The following EYA2 variants were observed in gnomAD, a reference collection of about 807,000 sequenced individuals.
The protein encoded by EYA2 is protein phosphatase EYA2.
EYA2 carries 31 observed loss-of-function variants against 69.2 expected under a neutral mutation model. The observed-to-expected ratio is 0.45, with a 90% CI of 0.34 to 0.60. EYA2 has a LOEUF of 0.60. EYA2 is among the 20% of genes least tolerant of loss of function. The pLI, the probability that EYA2 is intolerant of heterozygous loss-of-function variation, is 0.02. For missense variants in EYA2, 622 were observed against 701.2 expected (o/e 0.89, Z 1.28); for synonymous variants, 257 against 279.4 (o/e 0.92, Z 0.80).
intron 1 of EYA2, among the ~76,000 whole-genome samples, chr20:46,922,249 A>G (rs949292201): frequency 6.6e-6 from 1 of 152,224 alleles, no homozygotes; most frequent in Non-Finnish European, 1.5e-5. Flanking sequence ...GGTCAGAGAA[A>G]ACTCTTAACT....
At chr20:47,167,631 T>C (rs2034228990) in intron 10 of EYA2, among the ~76,000 whole-genome samples, 1 of 151,990 alleles carries the variant, frequency 6.6e-6, no homozygotes, top group African/African-American at 2.4e-5. Flanking sequence ...GCCACTTGTG[T>C]ATGTTGACTG....
At chr20:47,053,543 T>C (rs1266262021) in intron 5 of EYA2, among the ~76,000 whole-genome samples, 2 of 151,584 alleles carry the variant, frequency 1.3e-5, no homozygotes, top group African/African-American at 4.8e-5. Context: ...GGCGCATGCC[T>C]GTAGTCTCGG....
intron 1 of EYA2, among the ~76,000 whole-genome samples, chr20:46,975,808 G>A (rs191931283): frequency 5.9e-5 from 9 of 152,334 alleles, no homozygotes; most frequent in Admixed American, 2.6e-4. Flanking sequence ...CCAGCTACTC[G>A]GGAGGCTGAG....
At position 46,959,891 on chromosome 20, in the gene EYA2, T is replaced by G. The variant is rs1464767527; in HGVS notation, c.-10-30110T>G. On this transcript the variant is annotated intron_variant, in intron 1 of 15. Coordinates refer to ENST00000327619, the MANE Select transcript of EYA2 (RefSeq NM_005244.5). ...TCTCTGAAACTCTCCAAGTAGCCAC[T>G]GAAGTCAGCAGGAACTCCCAAAGCA... Among the ~76,000 whole-genome samples the G allele has an allele frequency of 3.3e-5, 5 of 152,184 alleles. No homozygotes were observed. In the South Asian group the frequency reaches 6.2e-4, roughly 19 times the overall value.
At chr20:46,943,324 C>T (rs1482316886) in intron 1 of EYA2, among the ~76,000 whole-genome samples, 3 of 152,196 alleles carry the variant, frequency 2.0e-5, no homozygotes, top group Admixed American at 6.5e-5. Flanking sequence ...TAGACATCCT[C>T]ACGTAGAGTA....
intron 1 of EYA2, among the ~76,000 whole-genome samples, chr20:46,913,287 G>T (rs1306254070): frequency 1.3e-5 from 2 of 152,192 alleles, no homozygotes; most frequent in Admixed American, 1.3e-4. Flanking sequence ...CTCTGAGTGG[G>T]GTTGTGCCTG....
At chr20:47,162,981 A>T (rs759138337) in intron 10 of EYA2, among the ~76,000 whole-genome samples, 6 of 151,772 alleles carry the variant, frequency 4.0e-5, no homozygotes, top group Non-Finnish European at 5.9e-5. Flanking sequence ...TAAAAATCTC[A>T]TATTTTAATG....
intron 1 of EYA2, among the ~76,000 whole-genome samples, chr20:46,979,145 A>G (rs973934478): frequency 2.6e-5 from 4 of 152,338 alleles, no homozygotes; most frequent in South Asian, 2.1e-4. Context: ...TCCTCAGCCA[A>G]GGTAGCTGGT....
At chr20:47,058,899 TAAC>T (rs2030756012) in intron 5 of EYA2, among the ~76,000 whole-genome samples, 2 of 152,132 alleles carry the variant, frequency 1.3e-5, no homozygotes, top group Admixed American at 6.5e-5. Context: ...GGGTGGGTCT[TAAC>T]AACTTAATGC....
chr20:47,177,861 A>G (rs988267028), intron 12 of EYA2, among the ~76,000 whole-genome samples: 1 of 152,276 alleles, frequency 6.6e-6, no homozygotes, highest in East Asian at 1.9e-4. Context: ...CCTAGAGTGA[A>G]TAGCCTAATG....
chr20:47,063,684 TCTGGTC>T (rs1358267530), intron 5 of EYA2, among the ~76,000 whole-genome samples: 10 of 152,186 alleles, frequency 6.6e-5, no homozygotes, highest in Non-Finnish European at 2.9e-5. Context: ...TACTTCAGCC[TCTGGTC>T]CTTCCTTGCA....
chr20:47,067,411 A>C (rs2031153251), intron 5 of EYA2, among the ~76,000 whole-genome samples: 1 of 152,156 alleles, frequency 6.6e-6, no homozygotes, highest in Admixed American at 6.5e-5. Flanking sequence ...GTCAACAAAA[A>C]TTTAAATGTA....
Position 46,972,921 on chromosome 20 carries a change from T to C in EYA2, c.-10-17080T>C, listed in dbSNP as rs79994537. 5.0e-3 allele frequency among the ~76,000 whole-genome samples: 755 copies of C among 152,388 alleles called. 8 individuals carry two copies. Among genetic ancestry groups the C allele is most frequent in the African/African-American group, 0.017 (701 of 41,596 alleles). On this transcript the variant is annotated intron_variant, in intron 1 of 15. Coordinates refer to ENST00000327619, the MANE Select transcript of EYA2 (RefSeq NM_005244.5). ...ATTGGAATATTCTGGAATATCTCTC[T>C]TCTTTCCAAATAAATATTTTAAAGT...
At chr20:47,065,237 C>G (rs1368729533) in intron 5 of EYA2, among the ~76,000 whole-genome samples, 1 of 152,208 alleles carries the variant, frequency 6.6e-6, no homozygotes, top group Non-Finnish European at 1.5e-5. Flanking sequence ...CAAACTATAT[C>G]AGGTACCAAG....
At position 47,062,697 on chromosome 20, in the gene EYA2, G is replaced by C. The variant is rs139670588; in HGVS notation, c.416-9488G>C. Reference sequence around the variant, plus strand: ...GTGTTACATGGGAGGGCCGGGCCCAGCTTGTCCTCCCTCTGTCCAGAAGAG... The same window carrying C: ...GTGTTACATGGGAGGGCCGGGCCCACCTTGTCCTCCCTCTGTCCAGAAGAG... On this transcript the variant is annotated intron_variant, in intron 5 of 15. Transcript: ENST00000327619. Among the ~76,000 whole-genome samples, 471 of 152,326 alleles carry C rather than the reference G, an allele frequency of 3.1e-3. 3 individuals are homozygous for C. The highest frequency in any genetic ancestry group is 3.4e-3 in the Non-Finnish European group (228 of 68,038).
At chr20:46,939,867 C>T (rs1397969569) in intron 1 of EYA2, among the ~76,000 whole-genome samples, 2 of 152,156 alleles carry the variant, frequency 1.3e-5, no homozygotes, top group African/African-American at 4.8e-5. Flanking sequence ...CATTTAACCT[C>T]TCTAAGCCTC....
intron 10 of EYA2, among the ~76,000 whole-genome samples, chr20:47,166,428 A>AAAAAAAAAAAC (rs2034194235): frequency 7.2e-6 from 1 of 138,806 alleles, no homozygotes; most frequent in Non-Finnish European, 1.5e-5. Context: ...AAAAAAAAAA[A>AAAAAAAAAAAC]AAAGCTTTTT....
intron 5 of EYA2, among the ~76,000 whole-genome samples, chr20:47,068,631 T>C (rs1175754100): frequency 6.6e-6 from 1 of 152,222 alleles, no homozygotes; most frequent in African/African-American, 2.4e-5. Context: ...TGTTCTGTTT[T>C]GTTTTTTGTT....
chr20:47,070,830 A>G (rs1364742112), intron 5 of EYA2, among the ~76,000 whole-genome samples: 1 of 152,100 alleles, frequency 6.6e-6, no homozygotes, highest in Admixed American at 6.6e-5. Flanking sequence ...TTTTTAAATA[A>G]ATAATTTTTA....
Sources: gnomAD v4.1 joint callset for allele counts (sites outside exome capture counted in the v4.1 genomes callset) on GRCh38, gnomAD v4.1.1 for gene constraint, MANE v1.5 for transcripts, NCBI Gene and HGNC (gene_info 2026-07-23, HGNC 2026-07-21) for gene names.